Variants in PPP2R2B observed in about 807,000 individuals in gnomAD.
The protein encoded by PPP2R2B is serine/threonine-protein phosphatase 2A 55 kDa regulatory subunit B beta isoform.
Under a neutral mutation model 46.0 loss-of-function variants are expected in PPP2R2B, and 5 were observed. That is an observed-to-expected ratio of 0.11 (90% confidence interval 0.06 to 0.23). The LOEUF is 0.23. Ranked by LOEUF, PPP2R2B falls within the 10% of genes least tolerant of loss-of-function variation. PPP2R2B has a pLI of 1.00. For missense variants in PPP2R2B, 367 were observed against 575.0 expected (o/e 0.64, Z 3.70); for synonymous variants, 215 against 206.7 (o/e 1.04, Z -0.34).
At chr5:147,055,605 A>G in intron 1 of PPP2R2B, 1 of 1,444,978 alleles carries the variant, frequency 6.9e-7, no homozygotes, top group Non-Finnish European at 9.7e-7. Context: ...AACCCGTGGG[A>G]AGTCAGACAC....
intron 1 of PPP2R2B, among the ~76,000 whole-genome samples, chr5:147,021,920 T>C (rs1755286602): frequency 6.6e-6 from 1 of 152,046 alleles, no homozygotes; most frequent in Middle Eastern, 3.2e-3. Flanking sequence ...TCTATTAAGA[T>C]TATGTTCAAT....
At chr5:147,029,744 G>C (rs989287567) in intron 1 of PPP2R2B, among the ~76,000 whole-genome samples, 1 of 152,134 alleles carries the variant, frequency 6.6e-6, no homozygotes, top group Admixed American at 6.5e-5. Context: ...GAGTGGGCAC[G>C]CATAAAGGAA....
At chr5:146,962,080 G>A (rs56752268) in intron 1 of PPP2R2B, among the ~76,000 whole-genome samples, 2 of 146,412 alleles carry the variant, frequency 1.4e-5, no homozygotes, top group South Asian at 4.6e-4. Flanking sequence ...TAAACTCTTC[G>A]CAACATCCCT....
At chr5:146,843,598 A>G (rs1479447190) in intron 2 of PPP2R2B, among the ~76,000 whole-genome samples, 1 of 152,180 alleles carries the variant, frequency 6.6e-6, no homozygotes, top group African/African-American at 2.4e-5. Context: ...CTCACTGTCT[A>G]TTTTGGCCAC....
chr5:147,066,040 A>T (rs1432041187), intron 2 of PPP2R2B, among the ~76,000 whole-genome samples: 3 of 152,098 alleles, frequency 2.0e-5, no homozygotes, highest in Non-Finnish European at 4.4e-5. Context: ...AACCCAACAG[A>T]CTGACTCCCG....
intron 5 of PPP2R2B, among the ~76,000 whole-genome samples, chr5:146,686,012 G>A (rs2151144471): frequency 6.6e-6 from 1 of 152,296 alleles, no homozygotes. Context: ...AAGCAGAGCT[G>A]TAGAGAATAA....
rs148390292 is a variant in PPP2R2B at position 146,891,778 on chromosome 5, A to G, written c.79+163887T>C. On this transcript the variant is annotated intron_variant, in intron 1 of 8. Transcript: ENST00000336640. ...TGGAATGAGAATAGCTTTGACAGAT[A>G]AAATAGATGATCAGAATACCTAACC... Among the ~76,000 whole-genome samples the G allele has an allele frequency of 1.6e-3, 239 of 152,334 alleles. 4 individuals carry two copies. The East Asian group carries it at 0.021, about 13-fold the overall frequency.
intron 1 of PPP2R2B, among the ~76,000 whole-genome samples, chr5:146,884,246 A>G (rs1762256354): frequency 6.6e-6 from 1 of 152,056 alleles, no homozygotes; most frequent in South Asian, 2.1e-4. Context: ...AAGTTATGTC[A>G]GTTCCAGAGC....
intron 1 of PPP2R2B, among the ~76,000 whole-genome samples, chr5:146,958,096 A>G (rs566732040): frequency 2.0e-5 from 3 of 152,292 alleles, no homozygotes; most frequent in East Asian, 3.9e-4. Context: ...CAAGACATTA[A>G]TCAAACAACC....
chr5:147,071,145 A>T (rs1046629718), intron 2 of PPP2R2B, among the ~76,000 whole-genome samples: 2 of 152,058 alleles, frequency 1.3e-5, no homozygotes, highest in African/African-American at 4.8e-5. Flanking sequence ...TGTGAGTATG[A>T]CGCCCAGAAT....
intron 1 of PPP2R2B, among the ~76,000 whole-genome samples, chr5:147,011,454 A>G (rs1242460539): frequency 6.6e-6 from 1 of 152,194 alleles, no homozygotes; most frequent in East Asian, 1.9e-4. Flanking sequence ...CTTGCTGTCT[A>G]TGCACAAAAT....
intron 2 of PPP2R2B, among the ~76,000 whole-genome samples, chr5:147,065,738 AG>A (rs1456538685): frequency 6.6e-6 from 1 of 152,114 alleles, no homozygotes; most frequent in Non-Finnish European, 1.5e-5. Context: ...TGAGTGTTGA[AG>A]GAAGTTAGGA....
chr5:147,075,165 G>C (rs1757727602), intron 2 of PPP2R2B, among the ~76,000 whole-genome samples: 1 of 152,078 alleles, frequency 6.6e-6, no homozygotes, highest in South Asian at 2.1e-4. Flanking sequence ...ACCATATAAA[G>C]TACTTCTAAT....
intron 2 of PPP2R2B, among the ~76,000 whole-genome samples, chr5:146,731,614 T>C (rs917121365): frequency 2.0e-5 from 3 of 152,316 alleles, no homozygotes; most frequent in Admixed American, 6.5e-5. Flanking sequence ...ATCTATTAGC[T>C]GCAAAACCTT....
Position 147,011,299 on chromosome 5 carries a change from G to GC in PPP2R2B, c.79+44365dup, listed in dbSNP as rs141651279. Among the ~76,000 whole-genome samples the GC allele has an allele frequency of 8.9e-3, 1,347 of 151,166 alleles. 12 individuals carry two copies. Among genetic ancestry groups the GC allele is most frequent in the African/African-American group, 0.027 (1,104 of 41,154 alleles). Reference sequence around the variant, plus strand: ...TTCAGTCCTATTTAAAATTATAAATGCCCCCCCCATCCCTACATAGGAGCT... The same window carrying GC: ...TTCAGTCCTATTTAAAATTATAAATGCCCCCCCCCATCCCTACATAGGAGCT... On this transcript the variant is annotated intron_variant, in intron 1 of 8. Coordinates refer to the PPP2R2B transcript ENST00000336640.
intron 1 of PPP2R2B, among the ~76,000 whole-genome samples, chr5:147,007,219 G>T (rs939773107): frequency 2.0e-5 from 3 of 152,134 alleles, no homozygotes; most frequent in East Asian, 1.9e-4. Context: ...CCCCTGTTCA[G>T]CAGGAAGTAG....
chr5:146,892,608 G>T (rs1762523229), intron 1 of PPP2R2B, among the ~76,000 whole-genome samples: 1 of 152,096 alleles, frequency 6.6e-6, no homozygotes, highest in South Asian at 2.1e-4. Context: ...AAGTCAGTAT[G>T]ATCTTTCTAA....
intron 1 of PPP2R2B, among the ~76,000 whole-genome samples, chr5:146,933,203 A>G (rs958069850): frequency 2.0e-5 from 3 of 152,152 alleles, no homozygotes; most frequent in Non-Finnish European, 4.4e-5. Context: ...TGTGTTTCCA[A>G]CCAGATGAAT....
intron 5 of PPP2R2B, among the ~76,000 whole-genome samples, chr5:146,664,859 A>G (rs553933354): frequency 6.6e-6 from 1 of 152,314 alleles, no homozygotes; most frequent in African/African-American, 2.4e-5. Context: ...GCCGGAAAAC[A>G]TTAATCTCCT....
Sources: allele counts gnomAD v4.1 joint callset (sites outside exome capture counted in the v4.1 genomes callset), GRCh38; gene constraint gnomAD v4.1.1; transcripts MANE v1.5; gene names NCBI Gene and HGNC (gene_info 2026-07-23, HGNC 2026-07-21).